Variants in LRRIQ3 observed in about 807,000 individuals in gnomAD.
The protein encoded by LRRIQ3 is leucine-rich repeat and IQ domain-containing protein 3.
Under a neutral mutation model 59.3 loss-of-function variants are expected in LRRIQ3, and 75 were observed. The ratio of observed to expected loss-of-function variants is 1.26; its 90% confidence interval spans 1.05 to 1.53. The LOEUF (loss-of-function observed/expected upper bound fraction) is 1.53. Ranked by LOEUF, LRRIQ3 falls within the 40% of genes most tolerant of loss-of-function variation. The pLI is 0.00. For synonymous variants in LRRIQ3, 250 were observed against 231.3 expected, an observed-to-expected ratio of 1.08 and a Z score of -0.73; for missense variants, 831 against 710.0, an observed-to-expected ratio of 1.17 and a Z score of -1.94.
intron 5 of LRRIQ3, among the ~76,000 whole-genome samples, chr1:74,102,989 T>C (rs1302549660): frequency 6.6e-6 from 1 of 152,006 alleles, no homozygotes; most frequent in East Asian, 1.9e-4. Context: ...CCTTAAAGGC[T>C]GAACTACAAT....
intron 6 of LRRIQ3, among the ~76,000 whole-genome samples, chr1:74,054,752 ATATATC>A (rs1389022131): frequency 4.1e-5 from 6 of 145,796 alleles, no homozygotes; most frequent in Admixed American, 2.8e-4. Flanking sequence ...ATATATATAT[ATATATC>A]TATATATCTA....
chr1:74,141,117 T>A (rs764363227), intron 4 of LRRIQ3, among the ~76,000 whole-genome samples: 1 of 151,974 alleles, frequency 6.6e-6, no homozygotes, highest in African/African-American at 2.4e-5. Context: ...TTAGGAATCA[T>A]AATTTGCGTC....
chr1:74,150,493 C>T (rs1015627525), intron 4 of LRRIQ3, among the ~76,000 whole-genome samples: 28 of 151,902 alleles, frequency 1.8e-4, no homozygotes, highest in African/African-American at 5.8e-4. Flanking sequence ...GATAAGATAA[C>T]GTACTATTTT....
intron 7 of LRRIQ3, among the ~76,000 whole-genome samples, chr1:74,033,711 G>A (rs1316466560): frequency 1.3e-5 from 2 of 151,896 alleles, no homozygotes; most frequent in South Asian, 2.1e-4. Context: ...GAAATTGGAT[G>A]GAGAGAAAAA....
intron 6 of LRRIQ3, among the ~76,000 whole-genome samples, chr1:74,049,303 A>T (rs904362370): frequency 6.6e-6 from 1 of 152,168 alleles, no homozygotes; most frequent in Non-Finnish European, 1.5e-5. Context: ...TGAGATTTGA[A>T]GTCGTTGAAG....
In LRRIQ3 at chr1:74,080,760, G is replaced by A. The variant is rs1433895083; in HGVS notation, c.868-5970C>T. 2.0e-5 allele frequency among the ~76,000 whole-genome samples: 3 copies of A among 151,500 alleles called. No individual in the cohort carries two copies. In the South Asian group the frequency reaches 6.2e-4, roughly 31 times the overall value. Reference sequence around the variant, plus strand: ...GCCTTTATTTGTTTGAATGAAAATCGTTAGCTCTAGTGTCTGGCAGCACAG... The same window carrying A: ...GCCTTTATTTGTTTGAATGAAAATCATTAGCTCTAGTGTCTGGCAGCACAG... On this transcript the variant is annotated intron_variant, in intron 5 of 7. Coordinates refer to ENST00000354431, the MANE Select transcript of LRRIQ3 (RefSeq NM_001105659.2).
chr1:74,053,161 C>T (rs1208936407), intron 6 of LRRIQ3, among the ~76,000 whole-genome samples: 1 of 141,130 alleles, frequency 7.1e-6, no homozygotes, highest in African/African-American at 2.6e-5. Flanking sequence ...AATGAAATAA[C>T]CGGTCCTCCA....
intron 6 of LRRIQ3, among the ~76,000 whole-genome samples, chr1:74,049,307 G>C (rs550165580): frequency 1.3e-5 from 2 of 152,212 alleles, no homozygotes; most frequent in South Asian, 2.1e-4. Flanking sequence ...ATTTGAAGTC[G>C]TTGAAGTAGG....
intron 1 of LRRIQ3, 130 bp from the exon 2 acceptor site, chr1:74,183,814 T>C (rs1650176548): frequency 1.4e-6 from 1 of 709,206 alleles, no homozygotes; most frequent in Non-Finnish European, 2.1e-6. Context: ...AAAAAACTCA[T>C]TCTTATAGAA....
intron 6 of LRRIQ3, among the ~76,000 whole-genome samples, chr1:74,065,952 C>T (rs551692910): frequency 2.7e-4 from 41 of 152,010 alleles, no homozygotes; most frequent in African/African-American, 7.7e-4. Flanking sequence ...TTTGGGAGGC[C>T]GAGGTGAGTG....
intron 5 of LRRIQ3, among the ~76,000 whole-genome samples, chr1:74,076,382 T>G (rs1354026072): frequency 6.6e-6 from 1 of 152,166 alleles, no homozygotes. Flanking sequence ...AACCATAAAC[T>G]GAGCTCTTTC....
At chr1:74,171,282 T>G (rs1649305962) in intron 3 of LRRIQ3, among the ~76,000 whole-genome samples, 1 of 152,198 alleles carries the variant, frequency 6.6e-6, no homozygotes, top group Non-Finnish European at 1.5e-5. Context: ...TGTGGGCTTT[T>G]TATATATAGT....
chr1:74,091,369 T>C (rs1646392453), intron 5 of LRRIQ3, among the ~76,000 whole-genome samples: 1 of 152,078 alleles, frequency 6.6e-6, no homozygotes. Flanking sequence ...ACAATTGATA[T>C]TTCAAATACA....
chr1:74,133,526 G>T (rs972122796), intron 4 of LRRIQ3, among the ~76,000 whole-genome samples: 1 of 152,020 alleles, frequency 6.6e-6, no homozygotes, highest in African/African-American at 2.4e-5. Flanking sequence ...GGAATACTAT[G>T]CAGCCATAAA....
At chr1:74,145,270 T>C (rs1647497728) in intron 4 of LRRIQ3, among the ~76,000 whole-genome samples, 2 of 152,058 alleles carry the variant, frequency 1.3e-5, no homozygotes, top group African/African-American at 2.4e-5. Flanking sequence ...AACAAAAGGG[T>C]ATTCATGACA....
chr1:74,077,322 C>A (rs998377107), intron 5 of LRRIQ3, among the ~76,000 whole-genome samples: 1 of 151,918 alleles, frequency 6.6e-6, no homozygotes, highest in Non-Finnish European at 1.5e-5. Context: ...TGCATTTGAA[C>A]CATAGAAATG....
intron 3 of LRRIQ3, among the ~76,000 whole-genome samples, chr1:74,178,735 C>T (rs1457982169): frequency 6.6e-6 from 1 of 152,148 alleles, no homozygotes; most frequent in Non-Finnish European, 1.5e-5. Context: ...AGATTCCATT[C>T]TACCTAGTGG....
At chr1:74,130,064 G>A (rs1378646243) in intron 4 of LRRIQ3, among the ~76,000 whole-genome samples, 3 of 151,968 alleles carry the variant, frequency 2.0e-5, no homozygotes, top group African/African-American at 7.2e-5. Context: ...CTAGTGTTGG[G>A]TGAGGGGTGA....
intron 3 of LRRIQ3, among the ~76,000 whole-genome samples, chr1:74,162,783 T>C (rs1464679827): frequency 6.6e-6 from 1 of 151,658 alleles, no homozygotes; most frequent in Non-Finnish European, 1.5e-5. Flanking sequence ...ATATTTTCCA[T>C]AAGAATATTT....
Sources: allele counts gnomAD v4.1 joint callset (sites outside exome capture counted in the v4.1 genomes callset), GRCh38; gene constraint gnomAD v4.1.1; transcripts MANE v1.5; gene names NCBI Gene and HGNC (gene_info 2026-07-23, HGNC 2026-07-21).